Variants in GADL1 observed in about 807,000 individuals in gnomAD.
GADL1 encodes the protein GAD like acidic amino acid decarboxylase 1.
Under a neutral mutation model 69.5 loss-of-function variants are expected in GADL1, and 71 were observed. The ratio of observed to expected loss-of-function variants is 1.02; its 90% confidence interval spans 0.84 to 1.25. The LOEUF is 1.25. Ranked by LOEUF, GADL1 falls within the 50% of genes most tolerant of loss-of-function variation. The pLI is 0.00. For synonymous variants in GADL1, 254 were observed against 214.4 expected (o/e 1.18, Z -1.62); for missense variants, 737 against 631.8 (o/e 1.17, Z -1.79).
At chr3:30,857,810 T>A (rs1698253716) in intron 2 of GADL1, among the ~76,000 whole-genome samples, 1 of 152,010 alleles carries the variant, frequency 6.6e-6, no homozygotes, top group South Asian at 2.1e-4. Flanking sequence ...ACTACTTTCC[T>A]TCTGGCTAAC....
In GADL1 at chr3:30,774,712, G is replaced by T. The variant is rs539589216; in HGVS notation, c.1392+3467C>A. ...TGCCTTTTACAAAACTGTATAGGGA[G>T]GTCATGTATTTCATTGGTTTCATTT... is the stretch of plus-strand genomic sequence containing the variant. On this transcript the variant is annotated intron_variant, in intron 14 of 14. Transcript: ENST00000282538. 3.3e-5 allele frequency among the ~76,000 whole-genome samples: 5 copies of T among 152,112 alleles called. No individual in the cohort carries two copies. In the East Asian group the frequency reaches 9.7e-4, roughly 29 times the overall value.
chr3:30,748,507 T>C (rs548989314), intron 14 of GADL1, among the ~76,000 whole-genome samples: 1 of 152,320 alleles, frequency 6.6e-6, no homozygotes, highest in Admixed American at 6.5e-5. Flanking sequence ...GCATCTGGAA[T>C]GGCACCAAAG....
chr3:30,808,464 C>T (rs1009728295), intron 11 of GADL1, among the ~76,000 whole-genome samples: 4 of 148,222 alleles, frequency 2.7e-5, no homozygotes, highest in Admixed American at 6.8e-5. Flanking sequence ...CGTTACTGCA[C>T]GCTGGCCTGG....
At chr3:30,758,472 T>C (rs1401298955) in intron 14 of GADL1, among the ~76,000 whole-genome samples, 2 of 152,172 alleles carry the variant, frequency 1.3e-5, no homozygotes, top group South Asian at 2.1e-4. Flanking sequence ...TTGAGAACTT[T>C]AGAATCAGAC....
chr3:30,810,169 C>T (rs1318341613), intron 11 of GADL1, among the ~76,000 whole-genome samples: 1 of 152,188 alleles, frequency 6.6e-6, no homozygotes, highest in Non-Finnish European at 1.5e-5. Flanking sequence ...GTGCTATCAG[C>T]CCTTTCACAA....
chr3:30,728,264 T>A lies in GADL1; in HGVS notation c.1544A>T (p.Asp515Val). Residue 515 changes from aspartate (D) to valine (V), a missense_variant, in exon 15 of 15, where the codon GAC becomes GTC. Transcript: ENST00000282538. ...EDMDFLLDEIDLLGKDM is the reference protein window; with the variant it reads ...EDMDFLLDEIVLLGKDM The stretch of plus-strand genomic sequence containing the variant: ...CAGCTACATGTCTTTACCCAGTAAG[T>A]CTATCTCATCCAGGAGGAAGTCCAT... 6.2e-7 allele frequency: 1 copy of A among 1,613,736 alleles called. No homozygotes were observed. The highest frequency in any genetic ancestry group is 8.5e-7 in the Non-Finnish European group (1 of 1,179,740).
At chr3:30,830,191 T>A (rs1401178373) in intron 11 of GADL1, among the ~76,000 whole-genome samples, 1 of 151,774 alleles carries the variant, frequency 6.6e-6, no homozygotes, top group Non-Finnish European at 1.5e-5. Context: ...AGAACCTCAT[T>A]CTGGAGGGGT....
chr3:30,821,037 A>G (rs547223702), intron 11 of GADL1, among the ~76,000 whole-genome samples: 1 of 152,236 alleles, frequency 6.6e-6, no homozygotes, highest in South Asian at 2.1e-4. Context: ...ATGGATGAAA[A>G]TTGGAAATCA....
chr3:30,800,707 A>T, intron 12 of GADL1, 182 bp downstream of exon 12: 1 of 611,854 alleles, frequency 1.6e-6, no homozygotes, highest in South Asian at 2.0e-5. Flanking sequence ...GGTACTGAGA[A>T]AATGTGTATT....
intron 11 of GADL1, among the ~76,000 whole-genome samples, chr3:30,822,126 A>G (rs1697591180): frequency 6.6e-6 from 1 of 152,116 alleles, no homozygotes; most frequent in Non-Finnish European, 1.5e-5. Context: ...TGAATAGTTA[A>G]CATGTGTCAC....
At chr3:30,858,729 C>T (rs1479003275) in intron 2 of GADL1, among the ~76,000 whole-genome samples, 1 of 151,914 alleles carries the variant, frequency 6.6e-6, no homozygotes, top group Non-Finnish European at 1.5e-5. Context: ...ATCTGAGGCT[C>T]TTGCAAAAGA....
intron 11 of GADL1, 52 bp downstream of exon 11, chr3:30,833,801 C>A (rs932159436): frequency 2.3e-6 from 3 of 1,298,534 alleles, no homozygotes; most frequent in Non-Finnish European, 3.4e-6. Context: ...CCTTGGCAAG[C>A]ACAGTGGCTT....
chr3:30,824,021 A>G (rs541831263), intron 11 of GADL1, among the ~76,000 whole-genome samples: 1 of 151,980 alleles, frequency 6.6e-6, no homozygotes, highest in East Asian at 1.9e-4. Flanking sequence ...TTTAATTGAC[A>G]TGCCAGAAAA....
intron 6 of GADL1, among the ~76,000 whole-genome samples, chr3:30,846,479 A>C (rs921646366): frequency 6.6e-6 from 1 of 152,086 alleles, no homozygotes; most frequent in Admixed American, 6.5e-5. Context: ...TCCTCAATGT[A>C]CACTGTGCCC....
intron 8 of GADL1, among the ~76,000 whole-genome samples, chr3:30,842,822 T>TA (rs558126002): frequency 0.49 from 50,321 of 102,534 alleles, 13,518 homozygotes; most frequent in Non-Finnish European, 0.59. Flanking sequence ...TTGGAATGTT[T>TA]AAAAAAAAAA....
chr3:30,827,374 A>T (rs1301726631), intron 11 of GADL1, among the ~76,000 whole-genome samples: 1 of 151,184 alleles, frequency 6.6e-6, no homozygotes, highest in Non-Finnish European at 1.5e-5. Flanking sequence ...GAGATCAGAT[A>T]GTACAATCAC....
At chr3:30,733,085 G>A (rs1299560463) in intron 14 of GADL1, among the ~76,000 whole-genome samples, 2 of 152,000 alleles carry the variant, frequency 1.3e-5, no homozygotes, top group African/African-American at 4.8e-5. Context: ...CTATCTGTGG[G>A]GAAGGATCAG....
At chr3:30,807,207 C>A (rs954617021) in intron 11 of GADL1, among the ~76,000 whole-genome samples, 9 of 152,158 alleles carry the variant, frequency 5.9e-5, no homozygotes, top group African/African-American at 1.9e-4. Context: ...ATCCCCTGAC[C>A]CCTCCCAGCT....
intron 14 of GADL1, 63 bp downstream of exon 14, chr3:30,778,109 TAGGATCA>T (rs1696578553): frequency 1.1e-6 from 1 of 877,498 alleles, no homozygotes; most frequent in Non-Finnish European, 1.9e-6. Context: ...CTCTTATTTA[TAGGATCA>T]ACAGATAATG....
Sources: allele counts gnomAD v4.1 joint callset (sites outside exome capture counted in the v4.1 genomes callset), GRCh38; gene constraint gnomAD v4.1.1; transcripts MANE v1.5; gene names NCBI Gene and HGNC (gene_info 2026-07-23, HGNC 2026-07-21).